CHD7: variants seen among roughly 807,000 people sequenced by gnomAD.
CHD7 encodes the protein chromodomain helicase DNA binding protein 7.
In CHD7, 24 loss-of-function variants were observed where a neutral mutation model predicts 307.3. That is an observed-to-expected ratio of 0.08 (90% CI 0.06 to 0.11). The LOEUF is 0.11. CHD7 is among the 10% of genes least tolerant of loss of function. The probability of loss-of-function intolerance (pLI) is 1.00; values close to 1 mark genes in which losing one functional copy is unlikely to be tolerated. For missense variants in CHD7, 3,106 were observed against 3,727.1 expected, an observed-to-expected ratio of 0.83 and a Z score of 4.34; for synonymous variants, 1,363 against 1,349.9, an observed-to-expected ratio of 1.01 and a Z score of -0.21.
chr8:60,825,564 T>G (rs1804222626), intron 13 of CHD7: 1 of 152,234 alleles, frequency 6.6e-6, no homozygotes, highest in South Asian at 2.1e-4. Context: ...AGCATTAAAA[T>G]GAAGTAAACT....
chr8:60,808,014 G>A (rs1369492073), intron 6 of CHD7, among the ~76,000 whole-genome samples: 1 of 152,252 alleles, frequency 6.6e-6, no homozygotes, highest in Non-Finnish European at 1.5e-5. Flanking sequence ...CTCGCACGTT[G>A]AGCAGAGGTG....
chr8:60,787,455 A>G (rs1014522949), intron 3 of CHD7, among the ~76,000 whole-genome samples: 20 of 152,230 alleles, frequency 1.3e-4, no homozygotes, highest in African/African-American at 4.8e-4. Flanking sequence ...ATACACTATG[A>G]TAAAAGGCCA....
chr8:60,708,364 A>AT (rs1310681106), intron 1 of CHD7, among the ~76,000 whole-genome samples: 1 of 152,078 alleles, frequency 6.6e-6, no homozygotes, highest in Admixed American at 6.5e-5. Flanking sequence ...AAGTCTGTAG[A>AT]TTTTATCTCC....
At chr8:60,716,530 C>G (rs890128269) in intron 1 of CHD7, among the ~76,000 whole-genome samples, 1 of 152,232 alleles carries the variant, frequency 6.6e-6, no homozygotes, top group Non-Finnish European at 1.5e-5. Flanking sequence ...GGGCTGACTC[C>G]TCAGTTCCTT....
intron 3 of CHD7, among the ~76,000 whole-genome samples, chr8:60,794,319 T>C (rs1345426070): frequency 3.3e-5 from 5 of 152,216 alleles, no homozygotes; most frequent in African/African-American, 4.8e-5. Context: ...ACATGCACTT[T>C]ATTAGGGTTG....
chr8:60,813,163 T>C (rs1240230832), intron 7 of CHD7, among the ~76,000 whole-genome samples: 1 of 152,222 alleles, frequency 6.6e-6, no homozygotes, highest in African/African-American at 2.4e-5. Flanking sequence ...TTTGTTGGTA[T>C]TGTGAAAGAG....
At chr8:60,749,702 G>A (rs1678427479) in intron 2 of CHD7, among the ~76,000 whole-genome samples, 1 of 152,150 alleles carries the variant, frequency 6.6e-6, no homozygotes, top group African/African-American at 2.4e-5. Context: ...ATTGGAGCAG[G>A]TTGCCCCATC....
At chr8:60,688,019 G>T (rs1805998941) in intron 1 of CHD7, among the ~76,000 whole-genome samples, 1 of 152,174 alleles carries the variant, frequency 6.6e-6, no homozygotes, top group Non-Finnish European at 1.5e-5. Flanking sequence ...TACCAGCCCA[G>T]GCTATTTTTT....
At chr8:60,822,781 T>C (rs1270813582) in intron 12 of CHD7, 35 bp downstream of exon 12, 1 of 1,523,236 alleles carries the variant, frequency 6.6e-7, no homozygotes, top group Admixed American at 1.9e-5. Context: ...TTGTACTTAC[T>C]CTGTGCATTT....
At chr8:60,822,216 TAAA>T (rs944392142) in intron 11 of CHD7, 71 bp downstream of exon 11, 4 of 1,370,066 alleles carry the variant, frequency 2.9e-6, no homozygotes, top group Non-Finnish European at 3.9e-6. Context: ...TTGAAAATAA[TAAA>T]AAAGAACTTA....
chr8:60,816,530 G>A (rs779144744), intron 8 of CHD7, 29 bp downstream of exon 8: 20 of 1,246,762 alleles, frequency 1.6e-5, no homozygotes, highest in South Asian at 9.6e-5. Context: ...CTTTTCCAAA[G>A]TATTTACTTT....
intron 2 of CHD7, among the ~76,000 whole-genome samples, chr8:60,751,988 C>T (rs1809663446): frequency 2.0e-5 from 3 of 152,126 alleles, no homozygotes; most frequent in African/African-American, 7.2e-5. Context: ...AAGATTGGAT[C>T]AAAAACATGC....
intron 1 of CHD7, among the ~76,000 whole-genome samples, chr8:60,711,958 C>A (rs756706255): frequency 2.6e-5 from 4 of 152,248 alleles, no homozygotes; most frequent in Non-Finnish European, 5.9e-5. Context: ...AGAGCCTTGA[C>A]TATCCTTTTC....
At position 60,821,905 on chromosome 8, in the gene CHD7, G is replaced by C. The variant is rs763978472; in HGVS notation, c.2813G>C (p.Arg938Thr). 1 of 1,612,764 alleles carries C rather than the reference G, an allele frequency of 6.2e-7. No homozygotes were observed. The highest frequency in any genetic ancestry group is 1.7e-5 in the Admixed American group (1 of 59,798). ...GAGGAGTTTGAGAAACTAATGTCCA[G>C]GGAGCCGGAAACAGAGCGTGTGGTA... ...KIEEFEKLMS[R>T]EPETERVERP... Residue 938 changes from arginine to threonine, a missense_variant, in exon 10 of 38, where the codon AGG (arginine) becomes ACG (threonine). Physicochemically the swap from Arg to Thr is moderately conservative, Grantham distance 71. This residue lies in a region of CHD7 where 188 missense variants were observed against 261.7 expected (regional missense o/e 0.72). Coordinates refer to ENST00000423902, the MANE Select transcript of CHD7 (RefSeq NM_017780.4).
chr8:60,758,069 AC>A (rs1373137672), intron 2 of CHD7, among the ~76,000 whole-genome samples: 19 of 152,232 alleles, frequency 1.2e-4, no homozygotes, highest in African/African-American at 4.3e-4. Flanking sequence ...TTTAAAAAAT[AC>A]ATTTATTCAT....
chr8:60,825,191 C>T (rs1222418985), intron 13 of CHD7: 2 of 152,082 alleles, frequency 1.3e-5, no homozygotes, highest in Admixed American at 1.3e-4. Flanking sequence ...ACTGGTATTA[C>T]CAAAAAACAC....
chr8:60,800,603 G>T (rs1011314939), intron 5 of CHD7, 78 bp downstream of exon 5: 6 of 1,370,360 alleles, frequency 4.4e-6, no homozygotes, highest in African/African-American at 1.4e-5. Context: ...TCTGAGAAGT[G>T]CAGTGGAAGC....
chr8:60,845,433 G>C (rs770079092), intron 23 of CHD7, 24 bp downstream of exon 23: 2 of 1,604,102 alleles, frequency 1.2e-6, no homozygotes, highest in African/African-American at 2.7e-5. Flanking sequence ...GGGTGGACCT[G>C]GAGAGCTTAA....
intron 36 of CHD7, 56 bp downstream of exon 36, chr8:60,862,392 T>A: frequency 6.5e-7 from 1 of 1,545,208 alleles, no homozygotes. Flanking sequence ...CAGAAGGAAG[T>A]GTTTTATCCT....
Sources: gnomAD v4.1 joint callset for allele counts (sites outside exome capture counted in the v4.1 genomes callset) on GRCh38, gnomAD v4.1.1 for gene constraint, gnomAD v4.1.1 regional missense constraint, MANE v1.5 for transcripts, NCBI Gene and HGNC (gene_info 2026-07-23, HGNC 2026-07-21) for gene names.